PCDH9: variants seen among roughly 807,000 people sequenced by gnomAD.
PCDH9 encodes protocadherin-9.
A neutral mutation model predicts 70.6 loss-of-function variants in PCDH9; 24 were observed. The observed-to-expected ratio is 0.34, with a 90% confidence interval of 0.25 to 0.48. The LOEUF (loss-of-function observed/expected upper bound fraction) is 0.48, where lower values mean the gene tolerates loss of function less well. PCDH9 is among the 20% of genes least tolerant of loss of function. PCDH9 has a pLI of 0.99. For synonymous variants in PCDH9, 562 were observed against 558.5 expected, an observed-to-expected ratio of 1.01 and a Z score of -0.09; for missense variants, 1,281 against 1,503.6, an observed-to-expected ratio of 0.85 and a Z score of 2.45.
intron 4 of PCDH9, among the ~76,000 whole-genome samples, chr13:66,625,706 G>C (rs1678652728): frequency 6.7e-6 from 1 of 149,220 alleles, no homozygotes. Context: ...TGTCACCCAG[G>C]CTGTAGTGCT....
At chr13:66,839,501 C>T (rs1040974567) in intron 3 of PCDH9, among the ~76,000 whole-genome samples, 17 of 152,148 alleles carry the variant, frequency 1.1e-4, no homozygotes, top group Non-Finnish European at 1.3e-4. Flanking sequence ...GCCTCTGAAA[C>T]GTCTTCCTGT....
intron 2 of PCDH9, among the ~76,000 whole-genome samples, chr13:66,969,015 G>A (rs760836777): frequency 8.6e-5 from 13 of 151,944 alleles, no homozygotes; most frequent in Admixed American, 1.3e-4. Flanking sequence ...GTAACATGTC[G>A]AGCATATTCA....
chr13:66,990,596 CAA>C (rs1452860392), intron 2 of PCDH9, among the ~76,000 whole-genome samples: 1 of 148,754 alleles, frequency 6.7e-6, no homozygotes, highest in Admixed American at 6.8e-5. Flanking sequence ...ATATATAAAA[CAA>C]ATATATACAT....
intron 4 of PCDH9, among the ~76,000 whole-genome samples, chr13:66,421,566 T>C (rs1957567880): frequency 6.6e-6 from 1 of 152,116 alleles, no homozygotes; most frequent in African/African-American, 2.4e-5. Flanking sequence ...CAAACTAAGA[T>C]TCATAAGTGA....
At chr13:67,178,653 G>T (rs1057430266) in intron 2 of PCDH9, among the ~76,000 whole-genome samples, 1 of 151,958 alleles carries the variant, frequency 6.6e-6, no homozygotes, top group Non-Finnish European at 1.5e-5. Context: ...TTCACCCCAG[G>T]TCTCTGCGTA....
intron 2 of PCDH9, among the ~76,000 whole-genome samples, chr13:67,015,420 G>A (rs1566364313): frequency 1.3e-5 from 2 of 152,084 alleles, no homozygotes; most frequent in African/African-American, 4.8e-5. Flanking sequence ...TCTCTCCATT[G>A]AGCTTTGCTT....
chr13:66,341,546 C>G (rs1242073643), intron 4 of PCDH9, among the ~76,000 whole-genome samples: 1 of 152,174 alleles, frequency 6.6e-6, no homozygotes, highest in Non-Finnish European at 1.5e-5. Flanking sequence ...TCTCCTGAAT[C>G]TGAACCCGCA....
intron 3 of PCDH9, among the ~76,000 whole-genome samples, chr13:66,723,123 G>C (rs931892706): frequency 2.6e-5 from 4 of 151,794 alleles, no homozygotes; most frequent in Non-Finnish European, 5.9e-5. Flanking sequence ...GAGTAAGTTA[G>C]CATTGCTTTC....
chr13:66,752,855 G>T (rs1292973481), intron 3 of PCDH9, among the ~76,000 whole-genome samples: 1 of 152,174 alleles, frequency 6.6e-6, no homozygotes, highest in East Asian at 1.9e-4. Context: ...CTTTCAACAT[G>T]AGAGTAAACA....
intron 4 of PCDH9, among the ~76,000 whole-genome samples, chr13:66,609,068 T>C (rs531271368): frequency 1.3e-5 from 2 of 152,276 alleles, no homozygotes; most frequent in Admixed American, 1.3e-4. Context: ...CTTTAGAGGA[T>C]AATCATATTG....
chr13:66,773,398 G>T (rs1372422575), intron 3 of PCDH9, among the ~76,000 whole-genome samples: 7 of 152,086 alleles, frequency 4.6e-5, no homozygotes, highest in Admixed American at 1.3e-4. Context: ...GGAGGCCGGG[G>T]CGGGTGGATC....
chr13:66,347,238 T>C (rs1956224622), intron 4 of PCDH9, among the ~76,000 whole-genome samples: 1 of 152,228 alleles, frequency 6.6e-6, no homozygotes, highest in South Asian at 2.1e-4. Context: ...TCTGAACATA[T>C]GTAATACGCA....
intron 3 of PCDH9, among the ~76,000 whole-genome samples, chr13:66,737,901 CGG>C (rs2079181213): frequency 3.6e-5 from 1 of 27,526 alleles, no homozygotes; most frequent in Admixed American, 4.0e-4. Flanking sequence ...AACTGCAAGG[CGG>C]CAGCGAGGCT....
chr13:67,016,623 C>T (rs1052668642), intron 2 of PCDH9, among the ~76,000 whole-genome samples: 4 of 152,126 alleles, frequency 2.6e-5, no homozygotes, highest in African/African-American at 7.2e-5. Context: ...GAGTTTTGGT[C>T]TCAATCCAGT....
At chr13:66,754,064 A>C (rs1367922598) in intron 3 of PCDH9, among the ~76,000 whole-genome samples, 1 of 151,564 alleles carries the variant, frequency 6.6e-6, no homozygotes, top group African/African-American at 2.4e-5. Flanking sequence ...TCATTTTTTT[A>C]TTTCATTAAA....
intron 4 of PCDH9, among the ~76,000 whole-genome samples, chr13:66,357,427 A>G (rs1409541905): frequency 6.6e-6 from 1 of 152,088 alleles, no homozygotes; most frequent in Non-Finnish European, 1.5e-5. Context: ...TTTTCCCCAT[A>G]AAAGTAGGGA....
chr13:67,213,231 A>AAAAAAAAG (rs2089511789), intron 2 of PCDH9: 1 of 104,448 alleles, frequency 9.6e-6, no homozygotes, highest in Non-Finnish European at 2.2e-5. Flanking sequence ...AAAAAAAAAA[A>AAAAAAAAG]AAAAAAAGAA....
intron 2 of PCDH9, among the ~76,000 whole-genome samples, chr13:66,908,104 A>T (rs1042992723): frequency 2.0e-5 from 3 of 152,120 alleles, no homozygotes; most frequent in African/African-American, 7.2e-5. Context: ...GGTATCTTCA[A>T]CTTCTCTCTA....
At chr13:66,593,868 T>A (rs2077068242) in intron 4 of PCDH9, among the ~76,000 whole-genome samples, 1 of 151,778 alleles carries the variant, frequency 6.6e-6, no homozygotes, top group African/African-American at 2.4e-5. Flanking sequence ...CTTCTACACA[T>A]CTGTAGAATA....
Sources: gnomAD v4.1 joint callset for allele counts (sites outside exome capture counted in the v4.1 genomes callset) on GRCh38, gnomAD v4.1.1 for gene constraint, MANE v1.5 for transcripts, NCBI Gene and HGNC (gene_info 2026-07-23, HGNC 2026-07-21) for gene names.